DPP6: variants seen among roughly 807,000 people sequenced by gnomAD.
DPP6 encodes the protein dipeptidyl peptidase like 6.
A neutral mutation model predicts 122.6 loss-of-function variants in DPP6; 69 were observed. The ratio of observed to expected loss-of-function variants is 0.56; its 90% CI spans 0.46 to 0.69. DPP6 has a LOEUF of 0.69. Among genes scored for constraint, DPP6 ranks in the 30% least tolerant of loss-of-function variants. The pLI, the probability that DPP6 is intolerant of heterozygous loss-of-function variation, is 0.00. For synonymous variants in DPP6, 418 were observed against 433.1 expected (o/e 0.97, Z 0.43); for missense variants, 928 against 1,116.9 (o/e 0.83, Z 2.41).
At chr7:154,819,427 AAATT>A (rs1196684436) in intron 16 of DPP6, among the ~76,000 whole-genome samples, 5 of 150,646 alleles carry the variant, frequency 3.3e-5, no homozygotes, top group South Asian at 4.2e-4. Flanking sequence ...ATAAATAAAT[AAATT>A]AATTAATTAA....
intron 1 of DPP6, among the ~76,000 whole-genome samples, chr7:153,916,382 TCCTCCCCTCC>T (rs1368089368): frequency 6.9e-5 from 4 of 57,886 alleles, no homozygotes; most frequent in Admixed American, 6.9e-4. Context: ...TCCTCCCCTC[TCCTCCCCTCC>T]CCTCTCCTCC....
At chr7:153,940,665 C>T (rs1279986347) in intron 1 of DPP6, among the ~76,000 whole-genome samples, 1 of 152,072 alleles carries the variant, frequency 6.6e-6, no homozygotes, top group Non-Finnish European at 1.5e-5. Flanking sequence ...TCTGATGATT[C>T]ATGTTGACAT....
At chr7:154,726,673 T>C (rs6946873) in intron 7 of DPP6, among the ~76,000 whole-genome samples, 14,752 of 152,270 alleles carry the variant, frequency 0.097, 1,858 homozygotes, top group African/African-American at 0.29. Flanking sequence ...TGGTGATTAA[T>C]ATTTGGTTCC....
intron 1 of DPP6, among the ~76,000 whole-genome samples, chr7:154,347,342 A>T (rs1810485573): frequency 6.6e-6 from 1 of 152,250 alleles, no homozygotes; most frequent in South Asian, 2.1e-4. Context: ...TTGCAAAATG[A>T]TGTTTTAGAC....
the DPP6 span, among the ~76,000 whole-genome samples, chr7:153,853,787 T>C: frequency 1.3e-5 from 2 of 152,072 alleles, no homozygotes; most frequent in African/African-American, 4.8e-5. Context: ...TTCTCCCATT[T>C]TGTAGGTTGC....
In DPP6 at chr7:154,190,494, A is replaced by G. The variant is rs549354206; in HGVS notation, c.243+137431A>G. On this transcript the variant is annotated intron_variant, in intron 1 of 25. Transcript: ENST00000377770. ...ATATCTCAATCTTGGAATAATAAGCAGGCAAGTCTGTCAGTTAAAAGGTAC... is the reference window on the plus strand; with the variant it reads ...ATATCTCAATCTTGGAATAATAAGCGGGCAAGTCTGTCAGTTAAAAGGTAC... 7.2e-5 allele frequency among the ~76,000 whole-genome samples: 11 copies of G among 152,338 alleles called. No individual in the cohort carries two copies. In the East Asian group the frequency reaches 1.9e-3, roughly 27 times the overall value.
At chr7:154,864,564 T>G (rs1482709897) in intron 17 of DPP6, among the ~76,000 whole-genome samples, 1 of 152,240 alleles carries the variant, frequency 6.6e-6, no homozygotes, top group Non-Finnish European at 1.5e-5. Context: ...ATGCCAATCT[T>G]TTCTTATTTC....
At chr7:154,731,543 T>A (rs1489698375) in intron 8 of DPP6, among the ~76,000 whole-genome samples, 1 of 152,220 alleles carries the variant, frequency 6.6e-6, no homozygotes, top group Non-Finnish European at 1.5e-5. Flanking sequence ...AGCTCAACAC[T>A]GGCTGTGAAC....
the DPP6 span, among the ~76,000 whole-genome samples, chr7:153,868,753 A>G: frequency 6.6e-6 from 1 of 151,986 alleles, no homozygotes; most frequent in Non-Finnish European, 1.5e-5. Context: ...TAGGGTGTCA[A>G]TTTTAGATCT....
At chr7:153,860,202 A>G in the DPP6 span, among the ~76,000 whole-genome samples, 1 of 152,194 alleles carries the variant, frequency 6.6e-6, no homozygotes, top group Non-Finnish European at 1.5e-5. Flanking sequence ...TTCATTCTAA[A>G]GGAATGACTT....
At chr7:154,272,170 T>C (rs940484558) in intron 1 of DPP6, among the ~76,000 whole-genome samples, 7 of 152,246 alleles carry the variant, frequency 4.6e-5, no homozygotes, top group Admixed American at 2.0e-4. Context: ...GAACTGAGCT[T>C]CTACCTAAGC....
intron 4 of DPP6, among the ~76,000 whole-genome samples, chr7:154,561,253 C>T (rs1056377369): frequency 1.3e-5 from 2 of 152,098 alleles, no homozygotes; most frequent in East Asian, 1.9e-4. Context: ...CCAAGTCAAC[C>T]GAATTGACAT....
At chr7:154,441,195 T>G (rs1376971329) in intron 1 of DPP6, among the ~76,000 whole-genome samples, 2 of 152,180 alleles carry the variant, frequency 1.3e-5, no homozygotes, top group Non-Finnish European at 2.9e-5. Context: ...TTCCCCTCAT[T>G]AAAGCTCAGG....
chr7:154,655,186 G>C (rs1051314915), intron 6 of DPP6, among the ~76,000 whole-genome samples: 3 of 152,078 alleles, frequency 2.0e-5, no homozygotes, highest in African/African-American at 7.2e-5. Context: ...TTAGGATCCA[G>C]GAAAGCAATT....
Position 154,756,709 on chromosome 7 carries a change from C to A in DPP6, c.884-12708C>A, listed in dbSNP as rs60453184. On this transcript the variant is annotated intron_variant, in intron 8 of 25. Transcript: ENST00000377770. ...CTCCCCTCCCCATCCAGGAAGCCTG[C>A]TAGGATGGTCCTTGTCCATATTCTC... Among the ~76,000 whole-genome samples the A allele has an allele frequency of 3.1e-3, 467 of 152,224 alleles. 1 individual carries two copies. The highest frequency in any genetic ancestry group is 0.01 in the African/African-American group (433 of 41,554).
chr7:154,709,682 G>A (rs1358791649), intron 7 of DPP6, among the ~76,000 whole-genome samples: 2 of 150,714 alleles, frequency 1.3e-5, no homozygotes, highest in South Asian at 2.1e-4. Context: ...TAACTGGCCA[G>A]ACTGATTCTA....
chr7:154,575,424 GTGGT>G (rs1831548975), intron 5 of DPP6, among the ~76,000 whole-genome samples: 3 of 96,880 alleles, frequency 3.1e-5, no homozygotes, highest in East Asian at 4.4e-4. Context: ...GTATGTGTGT[GTGGT>G]GTGTATGTGT....
intron 1 of DPP6, among the ~76,000 whole-genome samples, chr7:154,302,349 T>C (rs1324669822): frequency 6.6e-6 from 1 of 152,230 alleles, no homozygotes; most frequent in Non-Finnish European, 1.5e-5. Context: ...CTGTCACCAA[T>C]GGCAGGATAT....
In DPP6 at chr7:154,160,058, C is replaced by A. The variant is rs188177468; in HGVS notation, c.243+106995C>A. On this transcript the variant is annotated intron_variant, in intron 1 of 25. Coordinates refer to ENST00000377770, the MANE Select transcript of DPP6 (RefSeq NM_130797.4). Reference sequence around the variant, plus strand: ...CAGCAGGGTCAAGGCGGCAGTGAGCCCTGATCATACCACTGCACTCCAGCC... The same window carrying A: ...CAGCAGGGTCAAGGCGGCAGTGAGCACTGATCATACCACTGCACTCCAGCC... Among the ~76,000 whole-genome samples, 584 of 152,124 alleles carry A rather than the reference C, an allele frequency of 3.8e-3. 3 individuals are homozygous for A. The highest frequency in any genetic ancestry group is 0.013 in the African/African-American group (555 of 41,438).
Sources: gnomAD v4.1 joint callset for allele counts (sites outside exome capture counted in the v4.1 genomes callset) on GRCh38, gnomAD v4.1.1 for gene constraint, MANE v1.5 for transcripts, NCBI Gene and HGNC (gene_info 2026-07-23, HGNC 2026-07-21) for gene names.